SVEP1: variants seen among roughly 807,000 people sequenced by gnomAD.
SVEP1 encodes sushi, von Willebrand factor type A, EGF and pentraxin domain containing 1, also known as sushi, von Willebrand factor type A, EGF and pentraxin domain-containing protein 1.
A neutral mutation model predicts 367.3 loss-of-function variants in SVEP1; 164 were observed. The ratio of observed to expected loss-of-function variants is 0.45; its 90% CI spans 0.39 to 0.51. The LOEUF is 0.51. Ranked by LOEUF, SVEP1 falls within the 20% of genes least tolerant of loss-of-function variation. The pLI, the probability that SVEP1 is intolerant of heterozygous loss-of-function variation, is 0.00. For missense variants in SVEP1, 4,117 were observed against 4,425.3 expected (o/e 0.93, Z 1.98); for synonymous variants, 1,666 against 1,611.6 (o/e 1.03, Z -0.81).
Position 110,496,871 on chromosome 9 carries a change from C to A in SVEP1, c.1744G>T (p.Asp582Tyr). 1.3e-6 allele frequency: 2 copies of A among 1,558,606 alleles called. No individual in the cohort carries two copies. Among genetic ancestry groups the A allele is most frequent in the South Asian group, 2.4e-5 (2 of 84,552 alleles). Reference protein sequence around the residue: ...DIEAKTLEQQDSANVTWQIPT... With the variant: ...DIEAKTLEQQYSANVTWQIPT... ...ATCTGCCAGGTAACATTGGCAGAATCTTGCTGTTCCAGAGTCTTAGCCTCT... is the reference window on the plus strand; with the variant it reads ...ATCTGCCAGGTAACATTGGCAGAATATTGCTGTTCCAGAGTCTTAGCCTCT... Residue 582 changes from aspartate to tyrosine, a missense_variant, in exon 8 of 48, where the codon GAT becomes TAT. By Grantham distance (160) the Asp-to-Tyr change is radical (BLOSUM62 -3). Transcript: ENST00000374469.
chr9:110,415,298 A>C (rs1208908256), intron 36 of SVEP1, among the ~76,000 whole-genome samples: 7 of 152,016 alleles, frequency 4.6e-5, no homozygotes, highest in African/African-American at 1.7e-4. Context: ...TGAAAAGCAC[A>C]ACACCAGTAT....
At chr9:110,389,306 T>C (rs747495984) in intron 41 of SVEP1, among the ~76,000 whole-genome samples, 14 of 152,158 alleles carry the variant, frequency 9.2e-5, no homozygotes, top group Non-Finnish European at 1.8e-4. Flanking sequence ...TCAGTAATCT[T>C]GTGTCCTATT....
chr9:110,383,526 TGTGGGGGG>T (rs1827473888), intron 43 of SVEP1, among the ~76,000 whole-genome samples: 1 of 59,522 alleles, frequency 1.7e-5, no homozygotes, highest in African/African-American at 7.6e-5. Flanking sequence ...TGACCCCTGT[TGTGGGGGG>T]GTCTCATCCG....
intron 45 of SVEP1, 78 bp from the exon 46 acceptor site, chr9:110,375,541 G>C: frequency 1.6e-6 from 2 of 1,272,454 alleles, no homozygotes; most frequent in South Asian, 2.9e-5. Context: ...ATCTTAGATA[G>C]GTTCAAGGGT....
rs1466971960 is a variant in SVEP1 at position 110,496,867 on chromosome 9, G to C, written c.1748C>G (p.Ser583Cys). The change falls in exon 8 of 48, where the codon TCT (serine) becomes TGT (cysteine). Residue 583 changes from serine to cysteine, a missense_variant. By Grantham distance (112) the Ser-to-Cys change is moderately radical (BLOSUM62 -1). This residue lies in a region of SVEP1 where 2,174 missense variants were observed against 2,494.3 expected (regional missense o/e 0.87). Transcript: ENST00000374469. ...TGGAATCTGCCAGGTAACATTGGCA[G>C]AATCTTGCTGTTCCAGAGTCTTAGC... ...IEAKTLEQQD[S>C]ANVTWQIPTA... 6.4e-6 allele frequency: 10 copies of C among 1,558,648 alleles called. No individual in the cohort carries two copies. Among genetic ancestry groups the C allele is most frequent in the Non-Finnish European group, 8.7e-6 (10 of 1,149,888 alleles).
At position 110,402,131 on chromosome 9, in the gene SVEP1, G is replaced by A. The variant is rs1243291721; in HGVS notation, c.9667-1122C>T. The stretch of plus-strand genomic sequence containing the variant: ...ATTATTGTTTTCTTTTGCTATATGT[G>A]AAATTTATTTTGGTTATTTTTATTT... On this transcript the variant is annotated intron_variant, in intron 39 of 47. Transcript: ENST00000374469. 4.6e-5 allele frequency among the ~76,000 whole-genome samples: 7 copies of A among 152,110 alleles called. No individual in the cohort carries two copies. The East Asian group carries it at 1.4e-3, about 29-fold the overall frequency.
At position 110,458,936 on chromosome 9, in the gene SVEP1, AT is replaced by A. The variant is rs2118637318; in HGVS notation, c.3484+15del. On this transcript the variant is annotated intron_variant, in intron 19 of 47. Coordinates refer to ENST00000374469, the MANE Select transcript of SVEP1 (RefSeq NM_153366.4). Reference sequence around the variant, plus strand: ...TGTCCAACATAGGATTACATAAGAAATGAAGTTCATCTTACTTGAACATTCT... The same window carrying A: ...TGTCCAACATAGGATTACATAAGAAAGAAGTTCATCTTACTTGAACATTCT... The A allele has an allele frequency of 2.5e-6, 4 of 1,606,448 alleles. No individual in the cohort carries two copies. The highest frequency in any genetic ancestry group is 3.4e-6 in the Non-Finnish European group (4 of 1,174,146).
At chr9:110,376,893 A>C (rs369262719) in intron 45 of SVEP1, 4 of 158,474 alleles carry the variant, frequency 2.5e-5, no homozygotes, top group African/African-American at 9.6e-5. Flanking sequence ...TTACCTGCAA[A>C]GTACATGTTT....
At chr9:110,502,812 C>T (rs1829556197) in intron 6 of SVEP1, among the ~76,000 whole-genome samples, 1 of 151,632 alleles carries the variant, frequency 6.6e-6, no homozygotes, top group Non-Finnish European at 1.5e-5. Flanking sequence ...AAGGTATAAA[C>T]CTCTGTGAGT....
At chr9:110,551,621 A>G (rs1830287988) in intron 1 of SVEP1, among the ~76,000 whole-genome samples, 4 of 152,198 alleles carry the variant, frequency 2.6e-5, no homozygotes, top group Admixed American at 2.6e-4. Flanking sequence ...TACTGGAGAC[A>G]TTCCCCAAAT....
At chr9:110,439,205 G>A (rs1588053805) in intron 27 of SVEP1, among the ~76,000 whole-genome samples, 1 of 152,100 alleles carries the variant, frequency 6.6e-6, no homozygotes, top group East Asian at 1.9e-4. Flanking sequence ...CCCACGTGAT[G>A]GGACAAATGC....
intron 5 of SVEP1, among the ~76,000 whole-genome samples, chr9:110,503,423 C>T (rs1829571936): frequency 6.6e-6 from 1 of 152,156 alleles, no homozygotes; most frequent in African/African-American, 2.4e-5. Context: ...TAAATAATAT[C>T]ATCGCATGCA....
At chr9:110,387,252 C>CTGATTAAAATTTCTCCTAA in intron 42 of SVEP1, 33 bp downstream of exon 42, 4 of 1,540,458 alleles carry the variant, frequency 2.6e-6, no homozygotes, top group Non-Finnish European at 3.5e-6. Flanking sequence ...GAAACTGAAT[C>CTGATTAAAATTTCTCCTAA]TGATTAAAAT....
chr9:110,456,168 C>T (rs1425464507), intron 21 of SVEP1, among the ~76,000 whole-genome samples: 1 of 152,140 alleles, frequency 6.6e-6, no homozygotes, highest in Non-Finnish European at 1.5e-5. Context: ...GTGCTGGAAA[C>T]CCATATTCTT....
rs753796017 is a variant in SVEP1 at position 110,406,225 on chromosome 9, T to G, written c.9375A>C (p.Pro3125=). 3 of 1,611,974 alleles carry G rather than the reference T, an allele frequency of 1.9e-6. No homozygotes were observed. Among genetic ancestry groups the G allele is most frequent in the Non-Finnish European group, 1.7e-6 (2 of 1,178,752 alleles). The change falls in exon 38 of 48, where the codon CCA becomes CCC. Residue 3125 remains proline, a synonymous_variant. Transcript: ENST00000374469. ...PVCEPLSCGS[P]PSVANAVATG... ...TTGCCACTGCATTGGCGACAGACGG[T>G]GGGGACCCACAGGACAAGGGCTCAC...
intron 1 of SVEP1, among the ~76,000 whole-genome samples, chr9:110,553,600 C>T (rs1408488246): frequency 6.6e-6 from 1 of 152,148 alleles, no homozygotes; most frequent in Admixed American, 6.5e-5. Context: ...TTTAACCCCT[C>T]TGCGACACAG....
chr9:110,564,174 G>A lies in SVEP1; in HGVS notation c.532-14070C>T, dbSNP rs148897973. The stretch of plus-strand genomic sequence containing the variant: ...GCTTAGCCAGTAGAACAAGTATTTC[G>A]GAAATGTATCAGGTCAAACTGTTCT... On this transcript the variant is annotated intron_variant, in intron 1 of 47. Transcript: ENST00000374469. 7.2e-5 allele frequency among the ~76,000 whole-genome samples: 11 copies of A among 152,238 alleles called. No individual in the cohort carries two copies. The East Asian group carries it at 9.7e-4, about 13-fold the overall frequency.
At chr9:110,523,288 T>G (rs917293064) in intron 3 of SVEP1, among the ~76,000 whole-genome samples, 1 of 152,192 alleles carries the variant, frequency 6.6e-6, no homozygotes, top group Middle Eastern at 3.2e-3. Context: ...CAAACCAAGT[T>G]GAAATCCTGT....
intron 1 of SVEP1, among the ~76,000 whole-genome samples, chr9:110,566,189 G>C (rs550438952): frequency 1.1e-4 from 16 of 151,816 alleles, no homozygotes; most frequent in African/African-American, 3.4e-4. Flanking sequence ...AGGTGTGGTG[G>C]CTCACACCTG....
Sources: gnomAD v4.1 joint callset for allele counts (sites outside exome capture counted in the v4.1 genomes callset) on GRCh38, gnomAD v4.1.1 for gene constraint, gnomAD v4.1.1 regional missense constraint, MANE v1.5 for transcripts, NCBI Gene and HGNC (gene_info 2026-07-23, HGNC 2026-07-21) for gene names.